COLEC10: variants seen among roughly 807,000 people sequenced by gnomAD.
The protein encoded by COLEC10 is collectin-10.
A neutral mutation model predicts 28.4 loss-of-function variants in COLEC10; 22 were observed. The observed-to-expected ratio is 0.78, with a 90% confidence interval of 0.55 to 1.11. The LOEUF (loss-of-function observed/expected upper bound fraction) is 1.11, where lower values mean the gene tolerates loss of function less well. Among genes scored for constraint, COLEC10 ranks in the 50% least tolerant of loss-of-function variants. COLEC10 has a pLI of 0.00. For synonymous variants in COLEC10, 125 were observed against 116.1 expected, an observed-to-expected ratio of 1.08 and a Z score of -0.49; for missense variants, 361 against 344.1, an observed-to-expected ratio of 1.05 and a Z score of -0.39.
At chr8:119,065,330 A>G (rs1814933134), upstream of COLEC10, among the ~76,000 whole-genome samples, 1 of 151,980 alleles carries the variant, frequency 6.6e-6, no homozygotes, top group Non-Finnish European at 1.5e-5. Context: ...TTAGATTCTC[A>G]TAGGAGCACA....
chr8:118,965,528 C>T, the COLEC10 span, among the ~76,000 whole-genome samples: 345 of 152,044 alleles, frequency 2.3e-3, no homozygotes, highest in Non-Finnish European at 2.8e-3. Context: ...TTCTGGTGAC[C>T]GGGGCTGAGC....
chr8:119,089,857 A>C (rs763477308), intron 2 of COLEC10, 106 bp downstream of exon 2: 2 of 807,190 alleles, frequency 2.5e-6, no homozygotes, highest in Non-Finnish European at 4.1e-6. Context: ...CCTCTGCCCC[A>C]ACAATGCCTG....
the COLEC10 span, among the ~76,000 whole-genome samples, chr8:118,975,786 G>C: frequency 6.6e-6 from 1 of 152,064 alleles, no homozygotes; most frequent in Non-Finnish European, 1.5e-5. Flanking sequence ...CCCTGAAGTA[G>C]AGGAAGAATG....
At position 119,089,715 on chromosome 8, in the gene COLEC10, G is replaced by GGAAA. The variant is rs779817177; in HGVS notation, c.186_189dup (p.His64LysfsTer14). On this transcript the variant is annotated frameshift_variant, in exon 2 of 6. Coordinates refer to ENST00000332843, the MANE Select transcript of COLEC10 (RefSeq NM_006438.5). LOFTEE classifies it high-confidence loss of function. ...TGAAAAAGGAGATCCAGGAGAAGAG[G>GGAAA]GAAAGCATGGCAAAGTGGGACGCAT... 1 of 1,613,186 alleles carries GGAAA rather than the reference G, an allele frequency of 6.2e-7. No homozygotes were observed. The highest frequency in any genetic ancestry group is 1.1e-5 in the South Asian group (1 of 91,046).
chr8:119,086,069 T>C (rs1815475453), intron 1 of COLEC10, among the ~76,000 whole-genome samples: 1 of 152,212 alleles, frequency 6.6e-6, no homozygotes, highest in South Asian at 2.1e-4. Context: ...GTATTTCCTT[T>C]GAGTAAAGGG....
intron 2 of COLEC10, among the ~76,000 whole-genome samples, chr8:119,057,017 A>C (rs1350916363): frequency 6.6e-6 from 1 of 151,936 alleles, no homozygotes; most frequent in African/African-American, 2.4e-5. Context: ...CTCCCACTTT[A>C]CTTGGATAAC....
At chr8:119,032,638 A>G (rs1814310410) in intron 2 of COLEC10, among the ~76,000 whole-genome samples, 1 of 152,226 alleles carries the variant, frequency 6.6e-6, no homozygotes, top group Admixed American at 6.5e-5. Context: ...GCGGTGGCTC[A>G]TGCCTGTAAT....
chr8:118,988,883 C>A, the COLEC10 span, among the ~76,000 whole-genome samples: 1 of 152,152 alleles, frequency 6.6e-6, no homozygotes, highest in African/African-American at 2.4e-5. Context: ...ACACTACAGG[C>A]CATTTAGCTC....
chr8:119,057,949 T>C (rs975470574), intron 2 of COLEC10, among the ~76,000 whole-genome samples: 2 of 152,090 alleles, frequency 1.3e-5, no homozygotes. Flanking sequence ...ATTAACTTTA[T>C]AATTAGGTAT....
At chr8:119,057,193 G>A (rs1563729699) in intron 2 of COLEC10, among the ~76,000 whole-genome samples, 3 of 151,882 alleles carry the variant, frequency 2.0e-5, no homozygotes, top group Admixed American at 2.0e-4. Flanking sequence ...CACAAGATCT[G>A]ATGGTTTTAT....
At chr8:119,005,787 G>T (rs1813783481) in intron 1 of COLEC10, among the ~76,000 whole-genome samples, 1 of 152,098 alleles carries the variant, frequency 6.6e-6, no homozygotes, top group African/African-American at 2.4e-5. Flanking sequence ...TCTTTGGCAT[G>T]CAGTAACATA....
intron 1 of COLEC10, among the ~76,000 whole-genome samples, chr8:119,069,766 A>T (rs1815065618): frequency 1.3e-5 from 2 of 150,772 alleles, no homozygotes; most frequent in Admixed American, 1.3e-4. Flanking sequence ...AAAATTAAAA[A>T]GAATAGTATG....
At position 119,106,237 on chromosome 8, in the gene COLEC10, C is replaced by G. The variant is rs1815940550; in HGVS notation, c.*46C>G. 3 of 1,537,096 alleles carry G rather than the reference C, an allele frequency of 2.0e-6. No homozygotes were observed. The highest frequency in any genetic ancestry group is 2.6e-6 in the Non-Finnish European group (3 of 1,135,764). On this transcript the variant is annotated 3_prime_UTR_variant, in exon 6 of 6. Coordinates refer to ENST00000332843, the MANE Select transcript of COLEC10 (RefSeq NM_006438.5). ...TGCTATTTTCCTGTGACCGTCATTA[C>G]AGTTATTGTTATCCATCCTTTTTTT...
intron 2 of COLEC10, among the ~76,000 whole-genome samples, chr8:119,013,057 G>A (rs1390967537): frequency 6.7e-6 from 1 of 149,338 alleles, no homozygotes; most frequent in Non-Finnish European, 1.5e-5. Flanking sequence ...TTAGATGATT[G>A]AGTTTAGATC....
chr8:118,962,466 A>G, the COLEC10 span, among the ~76,000 whole-genome samples: 1 of 152,192 alleles, frequency 6.6e-6, no homozygotes, highest in African/African-American at 2.4e-5. Flanking sequence ...ATTGATATTC[A>G]ATGAACAATA....
At chr8:119,044,843 C>CAA (rs765073886) in intron 2 of COLEC10, among the ~76,000 whole-genome samples, 242 of 109,726 alleles carry the variant, frequency 2.2e-3, no homozygotes, top group African/African-American at 7.9e-3. Context: ...AGACTGTCTC[C>CAA]AAAAAAAAAA....
intron 2 of COLEC10, among the ~76,000 whole-genome samples, chr8:119,044,039 G>A (rs1331795394): frequency 2.0e-5 from 3 of 152,238 alleles, no homozygotes; most frequent in Non-Finnish European, 4.4e-5. Flanking sequence ...TGAAGGTACA[G>A]GGAACATATT....
chr8:119,054,302 T>C (rs1009902430), intron 2 of COLEC10, among the ~76,000 whole-genome samples: 2 of 152,140 alleles, frequency 1.3e-5, no homozygotes, highest in African/African-American at 4.8e-5. Flanking sequence ...CTGAAACCAT[T>C]GAAAGTGAAA....
At chr8:118,999,510 G>A (rs1813651067) in intron 1 of COLEC10, among the ~76,000 whole-genome samples, 1 of 151,406 alleles carries the variant, frequency 6.6e-6, no homozygotes, top group Non-Finnish European at 1.5e-5. Flanking sequence ...AGAATTGCTT[G>A]AACCCAGGAG....
Sources: gnomAD v4.1 joint callset for allele counts (sites outside exome capture counted in the v4.1 genomes callset) on GRCh38, gnomAD v4.1.1 for gene constraint, MANE v1.5 for transcripts, NCBI Gene and HGNC (gene_info 2026-07-23, HGNC 2026-07-21) for gene names.